Variants in ZNF799 observed in about 807,000 individuals in gnomAD.
ZNF799 encodes zinc finger protein 14.
A neutral mutation model predicts 41.0 loss-of-function variants in ZNF799; 28 were observed. The observed-to-expected ratio is 0.68, with a 90% CI of 0.51 to 0.94. The LOEUF (loss-of-function observed/expected upper bound fraction) is 0.94, where lower values mean the gene tolerates loss of function less well. Ranked by LOEUF, ZNF799 falls within the 40% of genes least tolerant of loss-of-function variation. The pLI, the probability that ZNF799 is intolerant of heterozygous loss-of-function variation, is 0.00. For missense variants in ZNF799, 716 were observed against 764.3 expected, an observed-to-expected ratio of 0.94 and a Z score of 0.74; for synonymous variants, 213 against 252.9, an observed-to-expected ratio of 0.84 and a Z score of 1.50.
At chr19:12,414,060 T>G in the ZNF799 span, among the ~76,000 whole-genome samples, 2 of 152,158 alleles carry the variant, frequency 1.3e-5, no homozygotes, top group African/African-American at 4.8e-5. Flanking sequence ...TCAGGGCGTC[T>G]CTTAGCAACA....
intron 1 of ZNF799, among the ~76,000 whole-genome samples, chr19:12,396,969 T>A (rs1400911748): frequency 6.6e-6 from 1 of 152,214 alleles, no homozygotes; most frequent in Non-Finnish European, 1.5e-5. Flanking sequence ...TGCATATATA[T>A]GAAGAGCATT....
Position 12,390,791 on chromosome 19 carries a change from T to A in ZNF799, c.1607A>T (p.Glu536Val), listed in dbSNP as rs1235551908. The change falls in exon 4 of 4, where the codon GAA (glutamate) becomes GTA (valine). Residue 536 changes from glutamate (E) to valine (V), a missense_variant. This residue lies in a region of ZNF799 where 698 missense variants were observed against 713.6 expected (regional missense o/e 0.98). Transcript: ENST00000430385. ...HSGEKPYECK[E>V]CGKAFSWLTC... is the part of the protein sequence containing the mutation. Reference sequence around the variant, plus strand: ...GAGCCAAGAGAATGCTTTCCCACATTCCTTACATTCATACGGCTTCTCTCC... The same window carrying A: ...GAGCCAAGAGAATGCTTTCCCACATACCTTACATTCATACGGCTTCTCTCC... The A allele has an allele frequency of 3.1e-6, 5 of 1,614,186 alleles. No homozygotes were observed. The highest frequency in any genetic ancestry group is 4.2e-6 in the Non-Finnish European group (5 of 1,179,998).
Position 12,401,109 on chromosome 19 carries a change from T to A in ZNF799, c.-39A>T, listed in dbSNP as rs1969977339. ...CGGTGTCCCAGGTCCTCCGGACGGCTCCCGCTGCCAATGCGGGTTCCCGCG... is the reference window on the plus strand; with the variant it reads ...CGGTGTCCCAGGTCCTCCGGACGGCACCCGCTGCCAATGCGGGTTCCCGCG... On this transcript the variant is annotated 5_prime_UTR_variant, in exon 1 of 4. Transcript: ENST00000430385. 1.2e-6 allele frequency: 2 copies of A among 1,613,374 alleles called. No individual in the cohort carries two copies. The highest frequency in any genetic ancestry group is 1.7e-5 in the Admixed American group (1 of 59,994).
chr19:12,396,588 G>A (rs1466841604), intron 1 of ZNF799, among the ~76,000 whole-genome samples: 1 of 152,228 alleles, frequency 6.6e-6, no homozygotes, highest in East Asian at 1.9e-4. Context: ...CGTGGAGGTT[G>A]CAGTGAGCTG....
At chr19:12,400,981 G>A in intron 1 of ZNF799, 87 bp downstream of exon 1, 3 of 1,610,702 alleles carry the variant, frequency 1.9e-6, no homozygotes, top group Non-Finnish European at 2.5e-6. Flanking sequence ...AGTAGCCCTT[G>A]GGGAGGCCCG....
At chr19:12,407,049 A>T in the ZNF799 span, among the ~76,000 whole-genome samples, 1 of 152,236 alleles carries the variant, frequency 6.6e-6, no homozygotes, top group Non-Finnish European at 1.5e-5. Flanking sequence ...AAGACAAAAC[A>T]ACTAAAATTA....
chr19:12,415,042 A>G, the ZNF799 span, among the ~76,000 whole-genome samples: 12 of 152,178 alleles, frequency 7.9e-5, no homozygotes, highest in African/African-American at 2.4e-4. Context: ...TTTAAGGACC[A>G]GACATAAAAG....
the ZNF799 span, among the ~76,000 whole-genome samples, chr19:12,412,180 G>A: frequency 6.6e-5 from 10 of 152,200 alleles, no homozygotes; most frequent in East Asian, 1.9e-4. Context: ...GGGAACTTGC[G>A]CATACTTCCT....
upstream of ZNF799, among the ~76,000 whole-genome samples, chr19:12,402,020 A>G: frequency 6.6e-6 from 1 of 152,164 alleles, no homozygotes; most frequent in Admixed American, 6.5e-5. Context: ...AACCATCCCC[A>G]CTTCCCCCAT....
chr19:12,409,964 T>C, the ZNF799 span, among the ~76,000 whole-genome samples: 4 of 152,034 alleles, frequency 2.6e-5, no homozygotes, highest in Non-Finnish European at 4.4e-5. Context: ...CTGGCCAACA[T>C]GGCAAAACCC....
chr19:12,392,561 A>G, intron 3 of ZNF799, 42 bp downstream of exon 3: 1 of 1,496,232 alleles, frequency 6.7e-7, no homozygotes, highest in Non-Finnish European at 9.2e-7. Flanking sequence ...CATTCTCAGA[A>G]CGGCTCCAGG....
At chr19:12,406,249 G>A (rs1022450363), upstream of ZNF799, among the ~76,000 whole-genome samples, 1 of 151,304 alleles carries the variant, frequency 6.6e-6, no homozygotes, top group African/African-American at 2.4e-5. Flanking sequence ...GGAAGCCGAG[G>A]CAGGCGGATC....
the ZNF799 span, among the ~76,000 whole-genome samples, chr19:12,412,877 T>C: frequency 6.6e-6 from 1 of 151,426 alleles, no homozygotes; most frequent in East Asian, 1.9e-4. Flanking sequence ...CTATCTCTAC[T>C]AAAAATAGAA....
Position 12,390,743 on chromosome 19 carries a change from C to A in ZNF799, c.1655G>T (p.Arg552Ile), listed in dbSNP as rs1296625993. The change falls in exon 4 of 4, where the codon AGA (arginine) becomes ATA (isoleucine). Residue 552 changes from arginine to isoleucine, a missense_variant. Transcript: ENST00000430385. Reference sequence around the variant, plus strand: ...ATAGGGTTTCTCTCTCATGTGAATTCTTTCATGTCGTAGAAAGCAAGTGAG... The same window carrying A: ...ATAGGGTTTCTCTCTCATGTGAATTATTTCATGTCGTAGAAAGCAAGTGAG... ...SWLTCFLRHE[R>I]IHMREKPYEC... 5 of 1,613,502 alleles carry A rather than the reference C, an allele frequency of 3.1e-6. No homozygotes were observed. Among genetic ancestry groups the A allele is most frequent in the African/African-American group, 2.7e-5 (2 of 74,782 alleles).
At chr19:12,412,599 A>G in the ZNF799 span, among the ~76,000 whole-genome samples, 153 of 151,880 alleles carry the variant, frequency 1.0e-3, 1 homozygote, top group Non-Finnish European at 8.1e-4. Flanking sequence ...GAAGAGGAAC[A>G]CTTGGTCACT....
At chr19:12,407,513 G>C in the ZNF799 span, among the ~76,000 whole-genome samples, 1 of 150,660 alleles carries the variant, frequency 6.6e-6, no homozygotes. Context: ...ACAAATTCTG[G>C]TCACACACAC....
upstream of ZNF799, among the ~76,000 whole-genome samples, chr19:12,403,952 C>A (rs1263335180): frequency 6.6e-6 from 1 of 152,186 alleles, no homozygotes; most frequent in East Asian, 1.9e-4. Flanking sequence ...GTTGCATTTT[C>A]ATTATCATTT....
chr19:12,395,197 A>C (rs1406367011), intron 1 of ZNF799: 1 of 143,620 alleles, frequency 7.0e-6, no homozygotes, highest in East Asian at 2.0e-4. Context: ...ACTGGAGTGC[A>C]GCCACACAAC....
the ZNF799 span, among the ~76,000 whole-genome samples, chr19:12,414,672 G>T: frequency 3.0e-4 from 46 of 152,254 alleles, no homozygotes; most frequent in African/African-American, 1.1e-3. Flanking sequence ...TACATGCATG[G>T]AAAAACTGGA....
Sources: gnomAD v4.1 joint callset for allele counts (sites outside exome capture counted in the v4.1 genomes callset) on GRCh38, gnomAD v4.1.1 for gene constraint, gnomAD v4.1.1 regional missense constraint, MANE v1.5 for transcripts, NCBI Gene and HGNC (gene_info 2026-07-23, HGNC 2026-07-21) for gene names.